The following HERC4 variants were observed in gnomAD, a reference collection of about 807,000 sequenced individuals.
The protein encoded by HERC4 is probable E3 ubiquitin-protein ligase HERC4.
HERC4 carries 28 observed loss-of-function variants against 124.3 expected under a neutral mutation model. That is an observed-to-expected ratio of 0.23 (90% CI 0.17 to 0.31). The LOEUF (loss-of-function observed/expected upper bound fraction) is 0.31, where lower values mean the gene tolerates loss of function less well. HERC4 is among the 10% of genes least tolerant of loss of function. HERC4 has a pLI of 1.00. For synonymous variants in HERC4, 407 were observed against 421.5 expected, an observed-to-expected ratio of 0.97 and a Z score of 0.42; for missense variants, 713 against 1,229.3, an observed-to-expected ratio of 0.58 and a Z score of 6.28.
chr10:67,931,346 A>G (rs2031783519), intron 23 of HERC4, among the ~76,000 whole-genome samples: 1 of 152,174 alleles, frequency 6.6e-6, no homozygotes, highest in Non-Finnish European at 1.5e-5. Context: ...AAAAAATGTA[A>G]CACTGAGACT....
intron 22 of HERC4, among the ~76,000 whole-genome samples, chr10:67,933,021 G>A (rs926487656): frequency 6.6e-6 from 1 of 152,072 alleles, no homozygotes; most frequent in Non-Finnish European, 1.5e-5. Context: ...TATTCCTAAT[G>A]GAAAAAATGT....
In HERC4 at chr10:68,065,948, T is replaced by C. The variant is rs183927097; in HGVS notation, c.226+6935A>G. Among the ~76,000 whole-genome samples, 79 of 152,066 alleles carry C rather than the reference T, an allele frequency of 5.2e-4. No individual in the cohort carries two copies. The East Asian group carries it at 0.014, about 28-fold the overall frequency. On this transcript the variant is annotated intron_variant, in intron 3 of 24. Coordinates refer to ENST00000373700, the MANE Select transcript of HERC4 (RefSeq NM_015601.4). ...GTAATTATCATAACTCATTACAATT[T>C]AAAATTAATTATTGCCTTTTAAATT...
intron 15 of HERC4, among the ~76,000 whole-genome samples, chr10:67,967,086 C>A (rs1564974346): frequency 2.6e-5 from 4 of 152,202 alleles, no homozygotes; most frequent in Admixed American, 2.6e-4. Context: ...GATCTCCTGA[C>A]CTTGTGATCT....
intron 23 of HERC4, among the ~76,000 whole-genome samples, chr10:67,926,816 C>T (rs1190238612): frequency 6.6e-6 from 1 of 152,198 alleles, no homozygotes; most frequent in African/African-American, 2.4e-5. Context: ...CAGGCTCCTC[C>T]TTACGCACCA....
At chr10:67,929,189 A>G (rs2031501218) in intron 23 of HERC4, among the ~76,000 whole-genome samples, 1 of 152,240 alleles carries the variant, frequency 6.6e-6, no homozygotes, top group South Asian at 2.1e-4. Context: ...TTATTCTTAA[A>G]ATCTTATTCC....
intron 19 of HERC4, among the ~76,000 whole-genome samples, chr10:67,941,669 CTTT>C (rs755666986): frequency 2.4e-4 from 22 of 91,762 alleles, no homozygotes; most frequent in African/African-American, 6.0e-4. Flanking sequence ...TAAAACACAA[CTTT>C]TTTTTTTTTT....
chr10:68,044,664 C>T, intron 3 of HERC4, 101 bp from the exon 4 acceptor site: 13 of 1,034,716 alleles, frequency 1.3e-5, no homozygotes, highest in Non-Finnish European at 1.9e-5. Context: ...AAAACACATT[C>T]TTCATTTTAT....
At chr10:67,962,273 TA>T (rs2034573347) in intron 16 of HERC4, among the ~76,000 whole-genome samples, 2 of 151,790 alleles carry the variant, frequency 1.3e-5, no homozygotes, top group Admixed American at 1.3e-4. Context: ...TTGATAACTA[TA>T]CTATATACCA....
At chr10:68,025,516 A>G in intron 8 of HERC4, 30 bp downstream of exon 8, 1 of 1,594,910 alleles carries the variant, frequency 6.3e-7, no homozygotes, top group Non-Finnish European at 8.6e-7. Context: ...CAGTTTAGAG[A>G]CCAAAATGCT....
Position 67,962,897 on chromosome 10 carries a change from C to T in HERC4, c.1926+3786G>A, listed in dbSNP as rs1468454826. On this transcript the variant is annotated intron_variant, in intron 16 of 24. Transcript: ENST00000373700. ...CAAGGTAGCCAGCAACAATAATCAC[C>T]ATTTTATAAAGACTTAACTGTGTGC... Among the ~76,000 whole-genome samples the T allele has an allele frequency of 2.0e-5, 3 of 152,274 alleles. No individual in the cohort carries two copies. The East Asian group carries it at 5.8e-4, about 29-fold the overall frequency.
chr10:67,973,909 C>T (rs570616532), intron 15 of HERC4, among the ~76,000 whole-genome samples: 32 of 151,490 alleles, frequency 2.1e-4, no homozygotes, highest in African/African-American at 5.8e-4. Flanking sequence ...TAGCTGGGTG[C>T]GGTGGCACGT....
At chr10:68,042,586 G>A (rs1322565549) in intron 4 of HERC4, among the ~76,000 whole-genome samples, 1 of 152,166 alleles carries the variant, frequency 6.6e-6, no homozygotes, top group African/African-American at 2.4e-5. Context: ...GCATGCCACT[G>A]CACACCAGCC....
At chr10:68,031,784 C>T (rs1406975399) in intron 7 of HERC4, among the ~76,000 whole-genome samples, 3 of 152,116 alleles carry the variant, frequency 2.0e-5, no homozygotes, top group African/African-American at 4.8e-5. Context: ...CGAGGTCTCA[C>T]TCTTTGTCTC....
chr10:68,008,566 G>A (rs187329293), intron 9 of HERC4, among the ~76,000 whole-genome samples: 1 of 152,184 alleles, frequency 6.6e-6, no homozygotes, highest in Admixed American at 6.5e-5. Context: ...TGTGGAAAAC[G>A]TCCTTATGTG....
At chr10:67,972,024 G>C (rs1480102862) in intron 15 of HERC4, among the ~76,000 whole-genome samples, 2 of 151,278 alleles carry the variant, frequency 1.3e-5, no homozygotes, top group Non-Finnish European at 2.9e-5. Flanking sequence ...GACCAGCCTG[G>C]CCAATATGGT....
chr10:68,066,570 A>T (rs2041313151), intron 3 of HERC4, among the ~76,000 whole-genome samples: 1 of 152,192 alleles, frequency 6.6e-6, no homozygotes, highest in East Asian at 1.9e-4. Context: ...AGTTTTATAA[A>T]GCATCCACCA....
At chr10:67,996,115 G>C in intron 9 of HERC4, 1 of 448,208 alleles carries the variant, frequency 2.2e-6, no homozygotes, top group Non-Finnish European at 4.5e-6. Flanking sequence ...AGACCAGCCT[G>C]GACAACATGG....
chr10:67,967,021 A>T (rs1413167419), intron 15 of HERC4, among the ~76,000 whole-genome samples: 1 of 152,092 alleles, frequency 6.6e-6, no homozygotes, highest in Admixed American at 6.6e-5. Flanking sequence ...TGACCGGCTA[A>T]TTTTTTGTAT....
chr10:67,951,543 T>C (rs774154787), intron 19 of HERC4, among the ~76,000 whole-genome samples: 2 of 152,218 alleles, frequency 1.3e-5, no homozygotes, highest in Non-Finnish European at 2.9e-5. Flanking sequence ...TTTGGAAAAC[T>C]GCTTGTATCC....
Sources: gnomAD v4.1 joint callset for allele counts (sites outside exome capture counted in the v4.1 genomes callset) on GRCh38, gnomAD v4.1.1 for gene constraint, MANE v1.5 for transcripts, NCBI Gene and HGNC (gene_info 2026-07-23, HGNC 2026-07-21) for gene names.